Variants in MINDY3 observed in about 807,000 individuals in gnomAD.
The protein encoded by MINDY3 is MINDY lysine 48 deubiquitinase 3, also known as ubiquitin carboxyl-terminal hydrolase MINDY-3.
In MINDY3, 38 loss-of-function variants were observed where a neutral mutation model predicts 69.2. That is an observed-to-expected ratio of 0.55 (90% CI 0.42 to 0.72). The LOEUF (loss-of-function observed/expected upper bound fraction) is 0.72, where lower values mean the gene tolerates loss of function less well. MINDY3 is among the 30% of genes least tolerant of loss of function. The pLI is 0.00. For synonymous variants in MINDY3, 192 were observed against 180.1 expected (o/e 1.07, Z -0.53); for missense variants, 522 against 519.0 (o/e 1.01, Z -0.06).
At chr10:15,834,082 G>A (rs557980633) in intron 7 of MINDY3, among the ~76,000 whole-genome samples, 12 of 151,860 alleles carry the variant, frequency 7.9e-5, no homozygotes, top group Non-Finnish European at 1.5e-4. Context: ...CAGGCAGAAA[G>A]GTCTAAAAAG....
Position 15,786,659 on chromosome 10 carries a change from A to G in MINDY3, c.1029-11T>C. 1 of 1,487,052 alleles carries G rather than the reference A, an allele frequency of 6.7e-7. No homozygotes were observed. Among genetic ancestry groups the G allele is most frequent in the Non-Finnish European group, 9.3e-7 (1 of 1,074,688 alleles). 92.1% of individuals were successfully genotyped at this position (1,487,052 alleles called of 1,614,324 possible). ...TTCATGAGATTTATACTACGGGGAG[A>G]AAGAAGAAAAACAGTGGATACCAGA... On this transcript the variant is annotated splice_polypyrimidine_tract_variant and intron_variant, in intron 12 of 14. Transcript: ENST00000277632.
chr10:15,779,242 T>TC, intron 14 of MINDY3, 101 bp from the exon 15 acceptor site: 1 of 917,882 alleles, frequency 1.1e-6, no homozygotes, highest in South Asian at 2.9e-5. Context: ...AGGTATTACA[T>TC]AGTTTCAGAT....
chr10:15,785,257 G>C (rs1487103590), intron 13 of MINDY3, among the ~76,000 whole-genome samples: 1 of 152,022 alleles, frequency 6.6e-6, no homozygotes, highest in African/African-American at 2.4e-5. Context: ...CAGTGAGAGA[G>C]GAACACAGAG....
chr10:15,856,754 A>G (rs1330328178), intron 1 of MINDY3, among the ~76,000 whole-genome samples: 5 of 152,148 alleles, frequency 3.3e-5, no homozygotes, highest in African/African-American at 1.2e-4. Context: ...ATAAATTCCA[A>G]ATAAGTCAAA....
chr10:15,845,454 A>C (rs1833763182), intron 2 of MINDY3, among the ~76,000 whole-genome samples: 1 of 152,100 alleles, frequency 6.6e-6, no homozygotes, highest in Non-Finnish European at 1.5e-5. Flanking sequence ...TGACTCTTAC[A>C]CTGAAATATT....
intron 10 of MINDY3, among the ~76,000 whole-genome samples, chr10:15,816,248 G>C (rs541711131): frequency 1.8e-4 from 19 of 108,570 alleles, no homozygotes; most frequent in Non-Finnish European, 2.9e-4. Context: ...GCAACACAGT[G>C]AGACTCCATC....
intron 12 of MINDY3, 59 bp downstream of exon 12, chr10:15,789,188 G>T: frequency 2.2e-6 from 3 of 1,376,030 alleles, no homozygotes; most frequent in South Asian, 1.2e-5. Flanking sequence ...TGTACAATAT[G>T]TCTTAAACTT....
At chr10:15,823,232 G>A (rs1178176016) in intron 8 of MINDY3, among the ~76,000 whole-genome samples, 2 of 152,142 alleles carry the variant, frequency 1.3e-5, no homozygotes, top group Admixed American at 6.5e-5. Context: ...GCTTCTTACA[G>A]GCACAGATCA....
At chr10:15,850,532 A>G (rs1310381568) in intron 1 of MINDY3, among the ~76,000 whole-genome samples, 1 of 152,120 alleles carries the variant, frequency 6.6e-6, no homozygotes, top group African/African-American at 2.4e-5. Context: ...TGTCTTATAC[A>G]GTTGTAGATA....
At chr10:15,846,793 G>A (rs536558893) in intron 2 of MINDY3, among the ~76,000 whole-genome samples, 11 of 149,452 alleles carry the variant, frequency 7.4e-5, no homozygotes, top group African/African-American at 1.7e-4. Context: ...GCGCAATCTC[G>A]GCTCACTGCA....
intron 9 of MINDY3, 83 bp from the exon 10 acceptor site, chr10:15,816,998 A>G (rs1008845034): frequency 2.6e-5 from 26 of 998,578 alleles, no homozygotes; most frequent in Non-Finnish European, 3.7e-5. Context: ...TATCTGAAGC[A>G]TAAAGTGTCC....
At chr10:15,836,615 G>C (rs1416259954) in intron 6 of MINDY3, among the ~76,000 whole-genome samples, 29 of 151,766 alleles carry the variant, frequency 1.9e-4, no homozygotes, top group Admixed American at 1.8e-3. Context: ...GGGAAAAAGA[G>C]TAGGACTAGA....
chr10:15,825,159 G>A (rs1840007855), intron 8 of MINDY3, among the ~76,000 whole-genome samples: 1 of 151,948 alleles, frequency 6.6e-6, no homozygotes, highest in African/African-American at 2.4e-5. Flanking sequence ...CATTCTGAGA[G>A]CCAACATGAC....
chr10:15,789,207 CTT>C, intron 12 of MINDY3, 38 bp downstream of exon 12: 1 of 1,514,890 alleles, frequency 6.6e-7, no homozygotes, highest in Non-Finnish European at 9.1e-7. Context: ...TTAATCGAAT[CTT>C]TTTGAGTTGG....
rs1834401811 is a variant in MINDY3, at chr10:15,852,890, C to G, written c.95-4947G>C. Reference sequence around the variant, plus strand: ...TCTGTACTAAACATGTACAGACTTTCTTTTTCATATCATTCCCTAAACAAT... The same window carrying G: ...TCTGTACTAAACATGTACAGACTTTGTTTTTCATATCATTCCCTAAACAAT... On this transcript the variant is annotated intron_variant, in intron 1 of 14. Coordinates refer to ENST00000277632, the MANE Select transcript of MINDY3 (RefSeq NM_024948.4). Among the ~76,000 whole-genome samples, 3 of 152,034 alleles carry G rather than the reference C, an allele frequency of 2.0e-5. No homozygotes were observed. In the South Asian group the frequency reaches 6.2e-4, roughly 32 times the overall value.
chr10:15,850,547 A>T (rs1416126587), intron 1 of MINDY3, among the ~76,000 whole-genome samples: 1 of 152,158 alleles, frequency 6.6e-6, no homozygotes, highest in Non-Finnish European at 1.5e-5. Flanking sequence ...TAGATAAGGG[A>T]CGAAATAAGC....
intron 10 of MINDY3, among the ~76,000 whole-genome samples, chr10:15,815,440 A>T (rs539465777): frequency 2.6e-5 from 4 of 152,338 alleles, no homozygotes; most frequent in African/African-American, 9.6e-5. Flanking sequence ...AGCATTGTCA[A>T]TTCAGACTAG....
intron 1 of MINDY3, among the ~76,000 whole-genome samples, chr10:15,851,655 T>C (rs1276709896): frequency 6.6e-6 from 1 of 152,058 alleles, no homozygotes; most frequent in African/African-American, 2.4e-5. Flanking sequence ...CAAACCGCTA[T>C]AATCTTTGAC....
chr10:15,839,026 G>A (rs949921455), intron 4 of MINDY3, among the ~76,000 whole-genome samples: 2 of 151,602 alleles, frequency 1.3e-5, no homozygotes, highest in African/African-American at 4.8e-5. Flanking sequence ...GGATTAAACA[G>A]CAGAGATGAG....
Sources: gnomAD v4.1 joint callset for allele counts (sites outside exome capture counted in the v4.1 genomes callset) on GRCh38, gnomAD v4.1.1 for gene constraint, MANE v1.5 for transcripts, NCBI Gene and HGNC (gene_info 2026-07-23, HGNC 2026-07-21) for gene names.